Variants in VSNL1 observed in about 807,000 individuals in gnomAD.
VSNL1 encodes visinin like 1.
Under a neutral mutation model 20.4 loss-of-function variants are expected in VSNL1, and 6 were observed. That is an observed-to-expected ratio of 0.29 (90% confidence interval 0.16 to 0.58). The LOEUF (loss-of-function observed/expected upper bound fraction) is 0.58. VSNL1 is among the 20% of genes least tolerant of loss of function. The pLI is 0.90. For missense variants in VSNL1, 100 were observed against 234.5 expected, an observed-to-expected ratio of 0.43 and a Z score of 3.75; for synonymous variants, 93 against 86.4, an observed-to-expected ratio of 1.08 and a Z score of -0.42.
intron 2 of VSNL1, among the ~76,000 whole-genome samples, chr2:17,632,004 A>G (rs1665643759): frequency 6.6e-6 from 1 of 152,006 alleles, no homozygotes; most frequent in Non-Finnish European, 1.5e-5. Context: ...CTCCTTCCTC[A>G]GCCTCCCACG....
intron 2 of VSNL1, among the ~76,000 whole-genome samples, chr2:17,623,792 G>A (rs546674465): frequency 1.7e-4 from 26 of 151,952 alleles, no homozygotes; most frequent in Non-Finnish European, 3.5e-4. Context: ...TGTGGAGAGT[G>A]GAACATAAAT....
intron 1 of VSNL1, among the ~76,000 whole-genome samples, chr2:17,581,671 A>C (rs1375292623): frequency 6.6e-6 from 1 of 152,224 alleles, no homozygotes; most frequent in Non-Finnish European, 1.5e-5. Context: ...CTGGTTTCCT[A>C]GAAAGAAGCG....
chr2:17,645,156 T>A (rs1048118859), intron 2 of VSNL1, among the ~76,000 whole-genome samples: 2 of 152,270 alleles, frequency 1.3e-5, no homozygotes, highest in African/African-American at 2.4e-5. Context: ...GTCTGAGGGC[T>A]GCCCAGTGTT....
At chr2:17,633,939 T>C (rs1221350689) in intron 2 of VSNL1, among the ~76,000 whole-genome samples, 1 of 152,116 alleles carries the variant, frequency 6.6e-6, no homozygotes, top group Non-Finnish European at 1.5e-5. Context: ...GAGAAAAGCA[T>C]GGGCAAAGCA....
At chr2:17,643,993 T>C (rs989862546) in intron 2 of VSNL1, among the ~76,000 whole-genome samples, 3 of 152,150 alleles carry the variant, frequency 2.0e-5, no homozygotes, top group African/African-American at 7.2e-5. Flanking sequence ...TCGTTCCTTC[T>C]TCTGAGAACA....
intron 2 of VSNL1, among the ~76,000 whole-genome samples, chr2:17,602,984 G>A (rs1034529309): frequency 1.6e-4 from 25 of 152,224 alleles, no homozygotes; most frequent in African/African-American, 5.3e-4. Flanking sequence ...AACAATCTGT[G>A]TAAATAGCTA....
chr2:17,653,925 T>A (rs1264976010), intron 3 of VSNL1, among the ~76,000 whole-genome samples: 1 of 152,162 alleles, frequency 6.6e-6, no homozygotes, highest in African/African-American at 2.4e-5. Flanking sequence ...CATCACTGTG[T>A]CTCCATGGAT....
chr2:17,649,099 G>A lies in VSNL1; in HGVS notation c.163-311G>A, dbSNP rs895732826. 1.3e-4 allele frequency among the ~76,000 whole-genome samples: 20 copies of A among 152,180 alleles called. No homozygotes were observed. Among genetic ancestry groups the A allele is most frequent in the Non-Finnish European group, 1.8e-4 (12 of 68,026 alleles). On this transcript the variant is annotated intron_variant, in intron 2 of 3. Transcript: ENST00000295156. This position sits in a 1 kb window ranked among gnomAD's most constrained non-coding sequence, Gnocchi z 6.4. The stretch of plus-strand genomic sequence containing the variant: ...TCTGCCTCAGTCCTGTTCCTGGGGG[G>A]AGTGAGCTGAGATGCTGCAACACTA...
intron 2 of VSNL1, among the ~76,000 whole-genome samples, chr2:17,640,578 G>T (rs1310907089): frequency 6.6e-6 from 1 of 152,224 alleles, no homozygotes; most frequent in Non-Finnish European, 1.5e-5. Flanking sequence ...ACATTTAGGA[G>T]AACATGTTAG....
At chr2:17,604,375 C>G (rs185934650) in intron 2 of VSNL1, among the ~76,000 whole-genome samples, 1 of 152,228 alleles carries the variant, frequency 6.6e-6, no homozygotes, top group African/African-American at 2.4e-5. Flanking sequence ...CAGCCTTTAT[C>G]GGCAGAGGCC....
intron 1 of VSNL1, among the ~76,000 whole-genome samples, chr2:17,554,775 G>T (rs1282116916): frequency 6.6e-6 from 1 of 151,984 alleles, no homozygotes; most frequent in Non-Finnish European, 1.5e-5. Context: ...ACAGAAAAAA[G>T]AATAAAAATC....
intron 1 of VSNL1, among the ~76,000 whole-genome samples, chr2:17,555,192 C>T (rs561152168): frequency 6.6e-6 from 1 of 152,222 alleles, no homozygotes; most frequent in South Asian, 2.1e-4. Context: ...CCTGAGAGGT[C>T]ATAACACTTA....
At chr2:17,638,554 T>C (rs1380494822) in intron 2 of VSNL1, among the ~76,000 whole-genome samples, 1 of 152,134 alleles carries the variant, frequency 6.6e-6, no homozygotes, top group Non-Finnish European at 1.5e-5. Flanking sequence ...CCTGGACTCA[T>C]GCACACTGAG....
At chr2:17,629,882 C>T (rs572267097) in intron 2 of VSNL1, among the ~76,000 whole-genome samples, 15 of 152,326 alleles carry the variant, frequency 9.8e-5, no homozygotes, top group African/African-American at 3.6e-4. Context: ...CCCACCCCCA[C>T]AGTCAGGTGA....
At chr2:17,650,292 C>T (rs568062126) in intron 3 of VSNL1, among the ~76,000 whole-genome samples, 1 of 152,314 alleles carries the variant, frequency 6.6e-6, no homozygotes, top group Non-Finnish European at 1.5e-5. Flanking sequence ...CAAATATGCC[C>T]ACTCCACCCT....
At chr2:17,633,974 C>T (rs1451197944) in intron 2 of VSNL1, among the ~76,000 whole-genome samples, 1 of 152,138 alleles carries the variant, frequency 6.6e-6, no homozygotes, top group Non-Finnish European at 1.5e-5. Context: ...GGAAAGATTT[C>T]CCATGGATCG....
At chr2:17,589,223 A>G (rs138765417) in intron 1 of VSNL1, among the ~76,000 whole-genome samples, 23 of 152,332 alleles carry the variant, frequency 1.5e-4, no homozygotes, top group Admixed American at 3.3e-4. Context: ...GTGTGGAAGC[A>G]TGCAATCCTG....
intron 1 of VSNL1, among the ~76,000 whole-genome samples, chr2:17,569,311 A>T (rs968111673): frequency 1.3e-5 from 2 of 151,592 alleles, no homozygotes; most frequent in Non-Finnish European, 2.9e-5. Flanking sequence ...TGTCTCAAAA[A>T]AAAAATAAAA....
At chr2:17,612,766 C>T (rs554301558) in intron 2 of VSNL1, among the ~76,000 whole-genome samples, 1 of 152,306 alleles carries the variant, frequency 6.6e-6, no homozygotes, top group East Asian at 1.9e-4. Context: ...TGGAAGGGGA[C>T]AGGCAGCTCT....
Sources: gnomAD v4.1 joint callset for allele counts (sites outside exome capture counted in the v4.1 genomes callset) on GRCh38, gnomAD v4.1.1 for gene constraint, Gnocchi (gnomAD v3.1) non-coding constraint, MANE v1.5 for transcripts, NCBI Gene and HGNC (gene_info 2026-07-23, HGNC 2026-07-21) for gene names.